The following STK32B variants were observed in gnomAD, a reference collection of about 807,000 sequenced individuals.
STK32B encodes the protein serine/threonine-protein kinase 32B.
A neutral mutation model predicts 52.6 loss-of-function variants in STK32B; 43 were observed. The observed-to-expected ratio is 0.82, with a 90% CI of 0.64 to 1.05. STK32B has a LOEUF of 1.05. STK32B is among the 50% of genes least tolerant of loss of function. STK32B has a pLI of 0.00. For missense variants in STK32B, 621 were observed against 534.6 expected (o/e 1.16, Z -1.59); for synonymous variants, 238 against 204.3 (o/e 1.17, Z -1.41).
chr4:5,362,442 G>C (rs1417915389), intron 4 of STK32B, among the ~76,000 whole-genome samples: 1 of 152,138 alleles, frequency 6.6e-6, no homozygotes, highest in Non-Finnish European at 1.5e-5. Context: ...TGCGCCTTTG[G>C]ATAACTAAGG....
At chr4:5,226,495 A>G (rs551306955) in intron 3 of STK32B, among the ~76,000 whole-genome samples, 1 of 152,274 alleles carries the variant, frequency 6.6e-6, no homozygotes, top group East Asian at 1.9e-4. Context: ...GCATGATGAA[A>G]TCTCATGCCT....
intron 11 of STK32B, among the ~76,000 whole-genome samples, chr4:5,486,241 C>A (rs949329680): frequency 6.6e-6 from 1 of 152,166 alleles, no homozygotes; most frequent in African/African-American, 2.4e-5. Flanking sequence ...CCACCCAGTT[C>A]GAGCTTCCCA....
the STK32B span, among the ~76,000 whole-genome samples, chr4:5,035,119 A>G: frequency 2.0e-5 from 3 of 152,172 alleles, no homozygotes; most frequent in Non-Finnish European, 4.4e-5. Flanking sequence ...TGGTCCAGCC[A>G]CTTACCAGCA....
At chr4:5,145,166 T>G (rs1716813095) in intron 2 of STK32B, among the ~76,000 whole-genome samples, 1 of 152,154 alleles carries the variant, frequency 6.6e-6, no homozygotes, top group Admixed American at 6.5e-5. Context: ...GTGAAAGAAT[T>G]TTACATTAAG....
At chr4:5,065,926 G>C (rs1051709379) in intron 1 of STK32B, among the ~76,000 whole-genome samples, 4 of 152,040 alleles carry the variant, frequency 2.6e-5, no homozygotes, top group Non-Finnish European at 4.4e-5. Flanking sequence ...GTTTCACTAT[G>C]TTGGCCAGGC....
Position 5,223,816 on chromosome 4 carries a change from CAAAAAA to C in STK32B, c.260+55380_260+55385del, listed in dbSNP as rs1230344719. Among the ~76,000 whole-genome samples the C allele has an allele frequency of 1.8e-3, 178 of 100,680 alleles. 1 individual carries two copies. The highest frequency in any genetic ancestry group is 2.8e-3 in the Non-Finnish European group (134 of 48,596). The allele number at this position is 100,680 out of a possible 152,430, so 66.0% of individuals were successfully genotyped here. ...TGGGAGACAGAGCAAGACTCCGTTT[CAAAAAA>C]AAAAAAAAAAAAAGTAACATTATTC... On this transcript the variant is annotated intron_variant, in intron 3 of 11. Transcript: ENST00000282908.
chr4:5,298,854 C>A (rs1392733001), intron 3 of STK32B, among the ~76,000 whole-genome samples: 1 of 151,180 alleles, frequency 6.6e-6, no homozygotes, highest in East Asian at 2.0e-4. Context: ...AAAAAAAACT[C>A]CTGCAGCTAG....
intron 3 of STK32B, among the ~76,000 whole-genome samples, chr4:5,320,093 C>T (rs1339588917): frequency 6.6e-6 from 1 of 152,168 alleles, no homozygotes; most frequent in East Asian, 1.9e-4. Context: ...AGTCTCCACT[C>T]TACCTAGACG....
chr4:5,318,514 C>G (rs189624391), intron 3 of STK32B, among the ~76,000 whole-genome samples: 2 of 152,078 alleles, frequency 1.3e-5, no homozygotes, highest in African/African-American at 2.4e-5. Flanking sequence ...TTGGAGAGTC[C>G]TGATCACATA....
chr4:5,349,639 A>G (rs1733700760), intron 4 of STK32B, among the ~76,000 whole-genome samples: 1 of 152,200 alleles, frequency 6.6e-6, no homozygotes, highest in South Asian at 2.1e-4. Context: ...ACAGATCCCA[A>G]TCAAAAACAA....
At chr4:5,492,022 A>G (rs375269394) in intron 11 of STK32B, among the ~76,000 whole-genome samples, 1 of 152,044 alleles carries the variant, frequency 6.6e-6, no homozygotes, top group Non-Finnish European at 1.5e-5. Context: ...TGATGCCTCC[A>G]GCTTTGTTCT....
chr4:5,343,361 T>G (rs1733227215), intron 4 of STK32B, among the ~76,000 whole-genome samples: 1 of 152,200 alleles, frequency 6.6e-6, no homozygotes, highest in African/African-American at 2.4e-5. Flanking sequence ...GTTGGACATT[T>G]GGGTTGGTTC....
intron 3 of STK32B, among the ~76,000 whole-genome samples, chr4:5,211,496 C>T (rs796553951): frequency 6.9e-5 from 10 of 145,164 alleles, no homozygotes; most frequent in African/African-American, 2.5e-4. Context: ...AAGAGCCAAA[C>T]CACTGGAGGT....
At chr4:5,195,331 G>T (rs1721556494) in intron 3 of STK32B, among the ~76,000 whole-genome samples, 2 of 152,140 alleles carry the variant, frequency 1.3e-5, no homozygotes, top group Admixed American at 1.3e-4. Context: ...TGTGCCTGCT[G>T]CCTCCTCCCC....
chr4:5,425,514 A>G (rs1359716515), intron 6 of STK32B, among the ~76,000 whole-genome samples: 1 of 152,180 alleles, frequency 6.6e-6, no homozygotes, highest in Non-Finnish European at 1.5e-5. Flanking sequence ...TCTACATGCT[A>G]GGCACTGTTC....
chr4:5,384,665 G>T (rs1736134355), intron 4 of STK32B, among the ~76,000 whole-genome samples: 1 of 152,198 alleles, frequency 6.6e-6, no homozygotes, highest in South Asian at 2.1e-4. Flanking sequence ...GGGAGTCGAG[G>T]ATGTGGGAAG....
At position 5,448,366 on chromosome 4, in the gene STK32B, T is replaced by C. The variant is rs1043022865; in HGVS notation, c.666+1590T>C. On this transcript the variant is annotated intron_variant, in intron 7 of 11. Transcript: ENST00000282908. ...TTCCTGTTAGCTGTTTCCTTTGATATATATACTCAGAGGAGGAATATGAGG... is the reference window on the plus strand; with the variant it reads ...TTCCTGTTAGCTGTTTCCTTTGATACATATACTCAGAGGAGGAATATGAGG... 2.0e-5 allele frequency among the ~76,000 whole-genome samples: 3 copies of C among 152,230 alleles called. No individual in the cohort carries two copies. The South Asian group carries it at 6.2e-4, about 32-fold the overall frequency.
chr4:5,347,832 C>T (rs776194809), intron 4 of STK32B, among the ~76,000 whole-genome samples: 2 of 152,192 alleles, frequency 1.3e-5, no homozygotes, highest in Non-Finnish European at 2.9e-5. Context: ...TGCCTTGCTT[C>T]TCCTCACCTT....
At chr4:5,286,405 A>G (rs2108877654) in intron 3 of STK32B, among the ~76,000 whole-genome samples, 1 of 150,774 alleles carries the variant, frequency 6.6e-6, no homozygotes, top group East Asian at 1.9e-4. Context: ...CTGGGAACAC[A>G]CTAAGTGTTC....
Sources: allele counts gnomAD v4.1 joint callset (sites outside exome capture counted in the v4.1 genomes callset), GRCh38; gene constraint gnomAD v4.1.1; transcripts MANE v1.5; gene names NCBI Gene and HGNC (gene_info 2026-07-23, HGNC 2026-07-21).